CERS5: variants seen among roughly 807,000 people sequenced by gnomAD.
CERS5 encodes the protein ceramide synthase 5, also known as LAG1 homolog, ceramide synthase 5.
In CERS5, 37 loss-of-function variants were observed where a neutral mutation model predicts 58.9. That is an observed-to-expected ratio of 0.63 (90% CI 0.48 to 0.83). The LOEUF (loss-of-function observed/expected upper bound fraction) is 0.83, where lower values mean the gene tolerates loss of function less well. CERS5 is among the 40% of genes least tolerant of loss of function. The probability of loss-of-function intolerance (pLI) is 0.00; values close to 1 mark genes in which losing one functional copy is unlikely to be tolerated. For synonymous variants in CERS5, 147 were observed against 177.8 expected, an observed-to-expected ratio of 0.83 and a Z score of 1.38; for missense variants, 398 against 489.3, an observed-to-expected ratio of 0.81 and a Z score of 1.76.
At chr12:50,149,591 A>G (rs1441624378) in intron 1 of CERS5, among the ~76,000 whole-genome samples, 1 of 152,184 alleles carries the variant, frequency 6.6e-6, no homozygotes, top group African/African-American at 2.4e-5. Context: ...CTTCTCAACT[A>G]TTGTGGCAAG....
chr12:50,152,366 C>T (rs1292324314), intron 1 of CERS5, among the ~76,000 whole-genome samples: 1 of 152,160 alleles, frequency 6.6e-6, no homozygotes, highest in African/African-American at 2.4e-5. Flanking sequence ...TTAAAACATG[C>T]CAGTTTTGCT....
At chr12:50,162,444 T>C (rs888194493) in intron 1 of CERS5, among the ~76,000 whole-genome samples, 7 of 152,174 alleles carry the variant, frequency 4.6e-5, no homozygotes, top group Non-Finnish European at 8.8e-5. Context: ...GCCGGAGTTC[T>C]AGCTTTTAGC....
At chr12:50,146,810 G>A (rs1367285839) in intron 1 of CERS5, among the ~76,000 whole-genome samples, 1 of 139,368 alleles carries the variant, frequency 7.2e-6, no homozygotes, top group African/African-American at 2.7e-5. Flanking sequence ...TCGCGCCACT[G>A]CACTCCAGCC....
At chr12:50,149,404 C>T (rs576135443) in intron 1 of CERS5, among the ~76,000 whole-genome samples, 3 of 152,264 alleles carry the variant, frequency 2.0e-5, no homozygotes, top group African/African-American at 7.2e-5. Flanking sequence ...CCTTTTCCTG[C>T]TCTCCAGATA....
chr12:50,148,927 A>AATATATATATATATATATATATATATAT (rs773368671), intron 1 of CERS5, among the ~76,000 whole-genome samples: 3 of 48,032 alleles, frequency 6.2e-5, no homozygotes, highest in African/African-American at 1.5e-4. Context: ...AAAAAAAAAA[A>AATATATATATATATATATATATATATAT]ATATATATAT....
chr12:50,161,241 T>C (rs1939232980), intron 1 of CERS5, among the ~76,000 whole-genome samples: 1 of 152,190 alleles, frequency 6.6e-6, no homozygotes, highest in Non-Finnish European at 1.5e-5. Flanking sequence ...GCTTAACTTA[T>C]GGTCAGATGG....
rs1490266953 is a variant in CERS5, at chr12:50,137,337, C to CAG, written c.636+389_636+390dup. ...AAGTGGGGTAACCAGAAAGGGAGAA[C>CAG]AGAGAGAGCAAGGGTCCCTAATGCC... On this transcript the variant is annotated intron_variant, in intron 6 of 9. Coordinates refer to ENST00000317551, the MANE Select transcript of CERS5 (RefSeq NM_147190.5). Among the ~76,000 whole-genome samples, 4 of 152,162 alleles carry CAG rather than the reference C, an allele frequency of 2.6e-5. No homozygotes were observed. The East Asian group carries it at 7.7e-4, about 29-fold the overall frequency.
Position 50,161,229 on chromosome 12 carries a change from A to G in CERS5, c.197+5872T>C, listed in dbSNP as rs115455554. ...CAGTTCTTTAACAAAATAGCTAAAT[A>G]TGCTTAACTTATGGTCAGATGGCTT... On this transcript the variant is annotated intron_variant, in intron 1 of 9. Coordinates refer to ENST00000317551, the MANE Select transcript of CERS5 (RefSeq NM_147190.5). Among the ~76,000 whole-genome samples, 430 of 152,290 alleles carry G rather than the reference A, an allele frequency of 2.8e-3. 2 individuals are homozygous for G. The highest frequency in any genetic ancestry group is 0.01 in the African/African-American group (421 of 41,568).
At chr12:50,165,855 T>TGG in intron 1 of CERS5, 1 of 416,872 alleles carries the variant, frequency 2.4e-6, no homozygotes, top group Non-Finnish European at 4.8e-6. Context: ...TCTCCTTTCT[T>TGG]GGAGTCTGAG....
intron 1 of CERS5, among the ~76,000 whole-genome samples, chr12:50,161,461 T>C (rs1318583991): frequency 1.3e-5 from 2 of 152,122 alleles, no homozygotes; most frequent in South Asian, 2.1e-4. Flanking sequence ...CATTTAAATA[T>C]GCAATAATGA....
intron 9 of CERS5, chr12:50,133,638 G>T: frequency 3.0e-6 from 3 of 985,508 alleles, no homozygotes; most frequent in Non-Finnish European, 3.6e-6. Flanking sequence ...GAAATCCACT[G>T]AAGCAGGTAG....
At chr12:50,133,681 TA>T in intron 9 of CERS5, 1 of 985,500 alleles carries the variant, frequency 1.0e-6, no homozygotes, top group Non-Finnish European at 1.2e-6. Flanking sequence ...GGCCATCTCT[TA>T]AAAAACTCTT....
chr12:50,153,971 A>C (rs758684711), intron 1 of CERS5: 13 of 313,430 alleles, frequency 4.1e-5, no homozygotes, highest in South Asian at 3.0e-4. Context: ...ACAACAACAA[A>C]ACACAATGAA....
intron 1 of CERS5, 30 bp from the exon 2 acceptor site, chr12:50,144,087 CT>C (rs1565782769): frequency 7.5e-7 from 1 of 1,336,942 alleles, no homozygotes; most frequent in Non-Finnish European, 1.1e-6. Context: ...CGGGCCAATT[CT>C]TTTTAAAAAA....
At position 50,146,715 on chromosome 12, in the gene CERS5, C is replaced by T. The variant is rs559441305; in HGVS notation, c.198-2658G>A. 4.6e-5 allele frequency among the ~76,000 whole-genome samples: 7 copies of T among 152,000 alleles called. No homozygotes were observed. In the South Asian group the frequency reaches 1.2e-3, roughly 27 times the overall value. On this transcript the variant is annotated intron_variant, in intron 1 of 9. Coordinates refer to ENST00000317551, the MANE Select transcript of CERS5 (RefSeq NM_147190.5). The stretch of plus-strand genomic sequence containing the variant: ...ACAAAAAATTAGCCGGGCGTGGTGG[C>T]GGGCGCCTGTAATCCCAGCTACTCG...
chr12:50,160,623 T>C lies in CERS5; in HGVS notation c.197+6478A>G, dbSNP rs1429825168. Among the ~76,000 whole-genome samples the C allele has an allele frequency of 4.6e-5, 7 of 152,234 alleles. 1 individual carries two copies. Among genetic ancestry groups the C allele is most frequent in the Admixed American group, 2.6e-4 (4 of 15,272 alleles). Reference sequence around the variant, plus strand: ...ATTATAGTACCGTATTTAAAATAAATGAACCTATATAGATCTGATGGTATC... The same window carrying C: ...ATTATAGTACCGTATTTAAAATAAACGAACCTATATAGATCTGATGGTATC... On this transcript the variant is annotated intron_variant, in intron 1 of 9. Coordinates refer to ENST00000317551, the MANE Select transcript of CERS5 (RefSeq NM_147190.5).
At chr12:50,132,774 C>A (rs902141469) in intron 9 of CERS5, among the ~76,000 whole-genome samples, 1 of 152,114 alleles carries the variant, frequency 6.6e-6, no homozygotes, top group Non-Finnish European at 1.5e-5. Context: ...AAAAAGTAGA[C>A]TCAATTCTTG....
intron 4 of CERS5, among the ~76,000 whole-genome samples, chr12:50,139,612 A>G (rs567641205): frequency 6.6e-6 from 1 of 152,186 alleles, no homozygotes; most frequent in African/African-American, 2.4e-5. Flanking sequence ...CGGCAACATG[A>G]TGAAAATCTG....
rs115814540 is a variant in CERS5 at position 50,144,638 on chromosome 12, C to A, written c.198-581G>T. 1,495 of 487,180 alleles carry A rather than the reference C, an allele frequency of 3.1e-3. 18 individuals carry two copies. The highest frequency in any genetic ancestry group is 0.027 in the African/African-American group (1,372 of 50,372). The allele number at this position is 487,180 out of a possible 1,614,324, so 30.2% of individuals were successfully genotyped here. A position where few individuals can be genotyped will look rare whatever the true frequency, so the allele number is the denominator to read the frequency against. ...GCCTAACCAAGAGATTATGGAAATA[C>A]TTAGATCTTTCAGGAGTCGAGAAGA... On this transcript the variant is annotated intron_variant, in intron 1 of 9. Transcript: ENST00000317551.
Sources: gnomAD v4.1 joint callset for allele counts (sites outside exome capture counted in the v4.1 genomes callset) on GRCh38, gnomAD v4.1.1 for gene constraint, MANE v1.5 for transcripts, NCBI Gene and HGNC (gene_info 2026-07-23, HGNC 2026-07-21) for gene names.